PGAP6: variants seen among roughly 807,000 people sequenced by gnomAD.
PGAP6 encodes the protein post-GPI attachment to proteins 6, also known as post-GPI attachment to proteins factor 6.
A neutral mutation model predicts 68.4 loss-of-function variants in PGAP6; 62 were observed. That is an observed-to-expected ratio of 0.91 (90% CI 0.74 to 1.12). The LOEUF is 1.12. Ranked by LOEUF, PGAP6 falls within the 50% of genes most tolerant of loss-of-function variation. The pLI is 0.00. For missense variants in PGAP6, 1,188 were observed against 1,068.5 expected (o/e 1.11, Z -1.56); for synonymous variants, 575 against 474.0 (o/e 1.21, Z -2.77).
At chr16:372,587 G>A (rs1226536861) in intron 12 of PGAP6, 24 bp downstream of exon 12, 3 of 1,569,210 alleles carry the variant, frequency 1.9e-6, no homozygotes, top group African/African-American at 2.7e-5. Flanking sequence ...CTGGGCAGCA[G>A]TGCCAGCCAG....
At chr16:373,251 AC>A (rs1344057227) in intron 11 of PGAP6, among the ~76,000 whole-genome samples, 2 of 151,684 alleles carry the variant, frequency 1.3e-5, no homozygotes, top group Admixed American at 6.6e-5. Context: ...TCCCATGGGC[AC>A]CCCCTTGGGG....
chr16:376,898 C>A, intron 4 of PGAP6, 86 bp from the exon 5 acceptor site: 1 of 1,566,340 alleles, frequency 6.4e-7, no homozygotes, highest in Non-Finnish European at 8.6e-7. Flanking sequence ...GTTCCTCAGC[C>A]CACTCTGGTG....
chr16:372,519 T>C (rs2054344179), intron 12 of PGAP6, 92 bp downstream of exon 12: 1 of 1,111,834 alleles, frequency 9.0e-7, no homozygotes, highest in Admixed American at 1.7e-5. Flanking sequence ...CATTCACTGG[T>C]TGGAGCAGGA....
chr16:386,114 G>A (rs889120988), upstream of PGAP6, among the ~76,000 whole-genome samples: 11 of 152,236 alleles, frequency 7.2e-5, no homozygotes, highest in African/African-American at 2.4e-4. Flanking sequence ...CCAGCTGCCT[G>A]CAGCCTGGCC....
Position 376,263 on chromosome 16 carries a change from A to C in PGAP6, c.1097T>G (p.Val366Gly), listed in dbSNP as rs746974751. The C allele has an allele frequency of 1.3e-5, 21 of 1,612,540 alleles. No individual in the cohort carries two copies. Among genetic ancestry groups the C allele is most frequent in the Non-Finnish European group, 1.7e-5 (20 of 1,179,980 alleles). The change falls in exon 6 of 13, where the codon GTG becomes GGG. Residue 366 changes from valine to glycine, a missense_variant. By Grantham distance (109) the Val-to-Gly change is moderately radical. Coordinates refer to ENST00000431232, the MANE Select transcript of PGAP6 (RefSeq NM_021259.3). ...VTREDMDVVS[V>G]HFQPLDRVSV... ...GACCCTGTCCAGGGGCTGGAAGTGCACCGACACCACGTCCATGTCCTCCCG... is the reference window on the plus strand; with the variant it reads ...GACCCTGTCCAGGGGCTGGAAGTGCCCCGACACCACGTCCATGTCCTCCCG...
In PGAP6 at chr16:371,854, G is replaced by A. The variant is rs1260250263; in HGVS notation, c.*133C>T. The A allele has an allele frequency of 2.1e-6, 2 of 946,284 alleles. No homozygotes were observed. The highest frequency in any genetic ancestry group is 1.6e-5 in the African/African-American group (1 of 60,798). The allele number at this position is 946,284 out of a possible 1,614,324, so 58.6% of individuals were successfully genotyped here. A position where few individuals can be genotyped will look rare whatever the true frequency, so the allele number is the denominator to read the frequency against. ...AGGGGTGGCCCTCTCCTCAGTAGGA[G>A]GAAGTAAGAGGGTATCTAGGCCAAT... On this transcript the variant is annotated 3_prime_UTR_variant, in exon 13 of 13. Transcript: ENST00000431232.
At chr16:379,399 G>A (rs1597165122) in intron 1 of PGAP6, among the ~76,000 whole-genome samples, 1 of 152,236 alleles carries the variant, frequency 6.6e-6, no homozygotes, top group East Asian at 1.9e-4. Context: ...CTGGGCAGGG[G>A]CTGGCCAGGC....
rs777994878 is a variant in PGAP6 at position 377,350 on chromosome 16, C to G, written c.507+28G>C. The G allele has an allele frequency of 3.2e-6, 5 of 1,564,162 alleles. No individual in the cohort carries two copies. The South Asian group carries it at 5.8e-5, about 18-fold the overall frequency. ...AGGCCATCGCCGCAAGGTTCTCTGC[C>G]TCCATCCCGGAGGGCAGCCCCCCTC... On this transcript the variant is annotated intron_variant, in intron 3 of 12. Transcript: ENST00000431232.
chr16:380,974 G>T (rs1044185562), intron 1 of PGAP6, among the ~76,000 whole-genome samples: 6 of 152,226 alleles, frequency 3.9e-5, no homozygotes, highest in African/African-American at 1.4e-4. Context: ...TCTCAGGGTG[G>T]CCAAGGCCTG....
rs766043919 is a variant in PGAP6 at position 372,276 on chromosome 16, C to A, written c.2027G>T (p.Arg676Leu). Residue 676 changes from arginine (R) to leucine (L), a missense_variant, in exon 13 of 13, where the codon CGC (arginine) becomes CTC (leucine). Transcript: ENST00000431232. ...GTAGCACTGGCGCCGGTGCCCGCAGCGGTAAGCCTGGAGAAAACAGCCACG... is the reference window on the plus strand; with the variant it reads ...GTAGCACTGGCGCCGGTGCCCGCAGAGGTAAGCCTGGAGAAAACAGCCACG... Reference protein sequence around the residue: ...FVIMASMWAYRCGHRRQCYPT... With the variant: ...FVIMASMWAYLCGHRRQCYPT... 1.2e-6 allele frequency: 2 copies of A among 1,608,236 alleles called. No homozygotes were observed. The highest frequency in any genetic ancestry group is 2.2e-5 in the South Asian group (2 of 90,992).
In PGAP6 at chr16:374,781, C is replaced by T. The variant is rs768241590; in HGVS notation, c.1551G>A (p.Leu517=). ...QCLLLRRHSY[L]YASCSCKAGW... is the part of the protein sequence containing the mutation. ...CTGCCTTGCAGCTGCAGCTGGCATA[C>T]AGGTAGCTGTGTCTGCGGAGCAGGA... Residue 517 remains leucine, a synonymous_variant, in exon 9 of 13, where the codon CTG becomes CTA. Coordinates refer to ENST00000431232, the MANE Select transcript of PGAP6 (RefSeq NM_021259.3). 8.7e-6 allele frequency: 14 copies of T among 1,612,764 alleles called. No individual in the cohort carries two copies. The East Asian group carries it at 2.5e-4, about 28-fold the overall frequency.
In PGAP6 at chr16:375,262, G is replaced by C. The variant is rs2141758829; in HGVS notation, c.1316-6C>G. The stretch of plus-strand genomic sequence containing the variant: ...AGGGTAGCCCTGGAAGAAGGCTGCA[G>C]GGGAGCCAGAGGGCCCCATCAGAGG... On this transcript the variant is annotated splice_polypyrimidine_tract_variant and splice_region_variant and intron_variant, in intron 7 of 12. Coordinates refer to ENST00000431232, the MANE Select transcript of PGAP6 (RefSeq NM_021259.3). The C allele has an allele frequency of 6.2e-7, 1 of 1,612,960 alleles. No homozygotes were observed. Among genetic ancestry groups the C allele is most frequent in the East Asian group, 2.2e-5 (1 of 44,874 alleles).
At chr16:385,505 A>G (rs112202340), upstream of PGAP6, among the ~76,000 whole-genome samples, 32,142 of 132,076 alleles carry the variant, frequency 0.24, 4,362 homozygotes, top group Admixed American at 0.32. Context: ...TAGAGATGGG[A>G]TTTCACCCTG....
chr16:376,214 C>T lies in PGAP6; in HGVS notation c.1146G>A (p.Thr382=), dbSNP rs763196943. 8 of 1,612,530 alleles carry T rather than the reference C, an allele frequency of 5.0e-6. No individual in the cohort carries two copies. The highest frequency in any genetic ancestry group is 2.7e-5 in the African/African-American group (2 of 74,942). ...DRVSVRVCSD[T]PSVMRLRLNT... ...TCAGGCGCAGCCGCATCACGGAGGG[C>T]GTGTCCGAACACACCCTCACCGAGA... The change falls in exon 6 of 13, where the codon ACG becomes ACA. Residue 382 remains threonine, a synonymous_variant. Coordinates refer to ENST00000431232, the MANE Select transcript of PGAP6 (RefSeq NM_021259.3).
rs373720118 is a variant in PGAP6 at position 381,587 on chromosome 16, C to T, written c.121+114G>A. 5.3e-5 allele frequency: 47 copies of T among 893,936 alleles called. No individual in the cohort carries two copies. In the East Asian group the frequency reaches 2.2e-3, roughly 43 times the overall value. 55.4% of individuals were successfully genotyped at this position (893,936 alleles called of 1,614,324 possible). ...GCACCCCCAACCCGCGGCGGGGACC[C>T]CCAACCCCGCGCCGGCGCCAGATGA... On this transcript the variant is annotated intron_variant, in intron 1 of 12. Transcript: ENST00000431232.
At chr16:383,312 CTGCTTGCAGCAGGCAGAGGA>C (rs1163015499), upstream of PGAP6, 3 of 152,198 alleles carry the variant, frequency 2.0e-5, no homozygotes, top group African/African-American at 7.2e-5. Flanking sequence ...CCCACAGACA[CTGCTTGCAGCAGGCAGAGGA>C]TGTGGGAGCC....
At position 372,362 on chromosome 16, in the gene PGAP6, T is replaced by C. The variant is rs1295227836; in HGVS notation, c.2020-79A>G. The stretch of plus-strand genomic sequence containing the variant: ...CCCAGGGCCCAGATACGGTGGTTAC[T>C]GGGGGCCTGCCCAGGTCTGGGCAGC... On this transcript the variant is annotated intron_variant, in intron 12 of 12. Coordinates refer to ENST00000431232, the MANE Select transcript of PGAP6 (RefSeq NM_021259.3). The C allele has an allele frequency of 3.4e-6, 5 of 1,466,248 alleles. No individual in the cohort carries two copies. The African/African-American group carries it at 7.0e-5, about 20-fold the overall frequency. The allele number at this position is 1,466,248 out of a possible 1,614,324, so 90.8% of individuals were successfully genotyped here. A position where few individuals can be genotyped will look rare whatever the true frequency, so the allele number is the denominator to read the frequency against.
Position 371,715 on chromosome 16 carries a change from T to G in PGAP6, c.*272A>C. On this transcript the variant is annotated 3_prime_UTR_variant, in exon 13 of 13. Transcript: ENST00000431232. ...AGCCCCACCCTCGCACAGGCACCTGTGGTCTCCAAGTAACCAAGCCCAGGC... is the reference window on the plus strand; with the variant it reads ...AGCCCCACCCTCGCACAGGCACCTGGGGTCTCCAAGTAACCAAGCCCAGGC... 2.1e-6 allele frequency: 1 copy of G among 466,854 alleles called. No individual in the cohort carries two copies. The highest frequency in any genetic ancestry group is 3.9e-6 in the Non-Finnish European group (1 of 254,860). 28.9% of individuals were successfully genotyped at this position (466,854 alleles called of 1,614,324 possible).
At chr16:382,306 G>C (rs1456967121), upstream of PGAP6, 1 of 391,102 alleles carries the variant, frequency 2.6e-6, no homozygotes, top group Non-Finnish European at 4.5e-6. Context: ...CCGCTCGGCC[G>C]GGACCTCCGT....
Sources: gnomAD v4.1 joint callset for allele counts (sites outside exome capture counted in the v4.1 genomes callset) on GRCh38, gnomAD v4.1.1 for gene constraint, MANE v1.5 for transcripts, NCBI Gene and HGNC (gene_info 2026-07-23, HGNC 2026-07-21) for gene names.